GPX6: variants seen among roughly 807,000 people sequenced by gnomAD.
The protein encoded by GPX6 is glutathione peroxidase 6 (olfactory).
In GPX6, 21 loss-of-function variants were observed where a neutral mutation model predicts 20.0. That is an observed-to-expected ratio of 1.05 (90% confidence interval 0.74 to 1.51). GPX6 has a LOEUF of 1.51. Ranked by LOEUF, GPX6 falls within the 40% of genes most tolerant of loss-of-function variation. GPX6 has a pLI of 0.00. For missense variants in GPX6, 233 were observed against 254.7 expected (o/e 0.91, Z 0.58); for synonymous variants, 75 against 98.0 (o/e 0.77, Z 1.38).
Position 28,515,701 on chromosome 6 carries a change from G to A in GPX6, c.43C>T (p.Leu15=), listed in dbSNP as rs559264173. Reference sequence around the variant, plus strand: ...AGGGTCTGCTGAGCAAAGCCAACCAGGAAAAACAGGACAAGACAGGAGGCC... The same window carrying A: ...AGGGTCTGCTGAGCAAAGCCAACCAAGAAAAACAGGACAAGACAGGAGGCC... ...FQASCLVLFF[L]VGFAQQTLKP... The change falls in exon 1 of 5, where the codon CTG becomes TTG. Residue 15 remains leucine (L), a synonymous_variant. Coordinates refer to ENST00000361902, the MANE Select transcript of GPX6 (RefSeq NM_182701.1). The A allele has an allele frequency of 3.7e-6, 6 of 1,614,074 alleles. No individual in the cohort carries two copies. Among genetic ancestry groups the A allele is most frequent in the East Asian group, 4.5e-5 (2 of 44,878 alleles).
chr6:28,509,353 C>G (rs910592034), intron 2 of GPX6, among the ~76,000 whole-genome samples: 2 of 139,892 alleles, frequency 1.4e-5, no homozygotes, highest in African/African-American at 5.6e-5. Flanking sequence ...AACACTGCCT[C>G]TGCTAAAAAT....
intron 1 of GPX6, 131 bp from the exon 2 acceptor site, chr6:28,511,035 C>T: frequency 2.6e-6 from 2 of 778,330 alleles, no homozygotes; most frequent in Non-Finnish European, 1.9e-6. Context: ...GGGATCTTTC[C>T]AAGTAAAATT....
At chr6:28,513,327 C>T (rs6940523) in intron 1 of GPX6, among the ~76,000 whole-genome samples, 298 of 152,328 alleles carry the variant, frequency 2.0e-3, no homozygotes, top group African/African-American at 6.5e-3. Flanking sequence ...CCCTGTAACA[C>T]ACGCCCACTG....
At chr6:28,509,779 C>A (rs1762842539) in intron 2 of GPX6, among the ~76,000 whole-genome samples, 1 of 152,196 alleles carries the variant, frequency 6.6e-6, no homozygotes, top group Non-Finnish European at 1.5e-5. Context: ...ACCTCAGCTA[C>A]CACAGAAGGT....
At position 28,512,637 on chromosome 6, in the gene GPX6, C is replaced by T. The variant is rs550799264; in HGVS notation, c.88-1733G>A. Among the ~76,000 whole-genome samples the T allele has an allele frequency of 2.4e-4, 36 of 152,302 alleles. No individual in the cohort carries two copies. The East Asian group carries it at 6.6e-3, about 28-fold the overall frequency. The stretch of plus-strand genomic sequence containing the variant: ...TGCCGGAGCCAGCAGTGGCAGCCCC[C>T]GTGGGTCCCCTTCCACACTGTGGGA... On this transcript the variant is annotated intron_variant, in intron 1 of 4. Coordinates refer to ENST00000361902, the MANE Select transcript of GPX6 (RefSeq NM_182701.1).
chr6:28,515,581 G>A lies in GPX6; in HGVS notation c.87+76C>T. ...TTGTCCTTCGAAAGGGGAGAGTAGA[G>A]AACTCCTTGCAACTCTGGCAGCCAG... On this transcript the variant is annotated intron_variant, in intron 1 of 4. Transcript: ENST00000361902. The A allele has an allele frequency of 4.7e-6, 5 of 1,059,576 alleles. No homozygotes were observed. The South Asian group carries it at 5.1e-5, about 11-fold the overall frequency. The allele number at this position is 1,059,576 out of a possible 1,614,324, so 65.6% of individuals were successfully genotyped here.
chr6:28,505,578 C>A, intron 4 of GPX6, 125 bp downstream of exon 4: 1 of 696,456 alleles, frequency 1.4e-6, no homozygotes, highest in East Asian at 2.6e-5. Context: ...CAGATATTGC[C>A]ATGAGCCTTG....
chr6:28,506,192 A>G (rs570703426), intron 3 of GPX6, 120 bp downstream of exon 3: 10 of 709,876 alleles, frequency 1.4e-5, no homozygotes, highest in Non-Finnish European at 2.6e-5. Flanking sequence ...TCATAAGGAT[A>G]TGCTTCAACC....
intron 3 of GPX6, 100 bp downstream of exon 3, chr6:28,506,212 A>G (rs1188326957): frequency 2.6e-6 from 2 of 766,428 alleles, no homozygotes; most frequent in African/African-American, 1.7e-5. Context: ...CCATGTATCT[A>G]TGGCCTATCC....
intron 1 of GPX6, among the ~76,000 whole-genome samples, chr6:28,513,372 G>A (rs1326274736): frequency 1.3e-5 from 2 of 152,128 alleles, no homozygotes; most frequent in Non-Finnish European, 2.9e-5. Context: ...CCTAGACACT[G>A]CCTTAAGGTT....
chr6:28,505,864 G>T, intron 3 of GPX6, 62 bp from the exon 4 acceptor site: 1 of 1,189,928 alleles, frequency 8.4e-7, no homozygotes. Flanking sequence ...GAAAATAATG[G>T]CCACCACCAA....
At chr6:28,512,982 T>C (rs1181601656) in intron 1 of GPX6, among the ~76,000 whole-genome samples, 6 of 152,138 alleles carry the variant, frequency 3.9e-5, no homozygotes, top group Non-Finnish European at 8.8e-5. Context: ...ACACGCTGCC[T>C]TAAAGAACTG....
intron 4 of GPX6, 123 bp downstream of exon 4, chr6:28,505,580 T>A (rs563611210): frequency 3.3e-4 from 234 of 704,976 alleles, no homozygotes; most frequent in South Asian, 5.5e-4. Context: ...GATATTGCCA[T>A]GAGCCTTGAA....
chr6:28,509,570 A>G (rs1049800453), intron 2 of GPX6, among the ~76,000 whole-genome samples: 2 of 152,056 alleles, frequency 1.3e-5, no homozygotes, highest in Non-Finnish European at 2.9e-5. Flanking sequence ...ATTTTGATCC[A>G]CTTCTCTGTG....
chr6:28,515,771 TC>T lies in GPX6; in HGVS notation c.-29del. 5 of 1,585,808 alleles carry T rather than the reference TC, an allele frequency of 3.2e-6. No homozygotes were observed. The highest frequency in any genetic ancestry group is 4.3e-6 in the Non-Finnish European group (5 of 1,155,034). On this transcript the variant is annotated 5_prime_UTR_variant, in exon 1 of 5. Coordinates refer to ENST00000361902, the MANE Select transcript of GPX6 (RefSeq NM_182701.1). ...CTAGGAGTTTTAGACGACTCTGAGG[TC>T]CCCAGGATTTCAGCCCCTTTTGAGC...
intron 1 of GPX6, 21 bp from the exon 2 acceptor site, chr6:28,510,925 C>A (rs1216823300): frequency 1.3e-6 from 2 of 1,571,656 alleles, no homozygotes; most frequent in Middle Eastern, 1.7e-4. Flanking sequence ...ACAAAAATAA[C>A]CATAACGATA....
In GPX6 at chr6:28,506,299, T is replaced by C; in HGVS notation, c.359+13A>G. 1.3e-6 allele frequency: 2 copies of C among 1,492,206 alleles called. No individual in the cohort carries two copies. Among genetic ancestry groups the C allele is most frequent in the Non-Finnish European group, 9.4e-7 (1 of 1,068,650 alleles). The allele number at this position is 1,492,206 out of a possible 1,614,324, so 92.4% of individuals were successfully genotyped here. On this transcript the variant is annotated intron_variant, in intron 3 of 4. Coordinates refer to ENST00000361902, the MANE Select transcript of GPX6 (RefSeq NM_182701.1). ...CCGACAGGGCATCTGCAGGGTCCCATGCAAGCACTCACTTGAGACCAAGAA... is the reference window on the plus strand; with the variant it reads ...CCGACAGGGCATCTGCAGGGTCCCACGCAAGCACTCACTTGAGACCAAGAA...
intron 4 of GPX6, among the ~76,000 whole-genome samples, chr6:28,505,293 C>G (rs1762797204): frequency 6.6e-6 from 1 of 152,194 alleles, no homozygotes; most frequent in South Asian, 2.1e-4. Flanking sequence ...GGGGGTCCTT[C>G]TATCCTGGTA....
chr6:28,504,008 T>C lies in GPX6; in HGVS notation c.*284A>G. ...GAGAGTTGGAGAGATAGGTGTTCTT[T>C]TCCTTAATCTTCAAACACACACACA... is the stretch of plus-strand genomic sequence containing the variant. On this transcript the variant is annotated 3_prime_UTR_variant, in exon 5 of 5. Coordinates refer to ENST00000361902, the MANE Select transcript of GPX6 (RefSeq NM_182701.1). The C allele has an allele frequency of 2.7e-6, 1 of 376,506 alleles. No individual in the cohort carries two copies. Among genetic ancestry groups the C allele is most frequent in the Non-Finnish European group, 4.7e-6 (1 of 212,398 alleles). The allele number at this position is 376,506 out of a possible 1,614,324, so 23.3% of individuals were successfully genotyped here.
Sources: allele counts gnomAD v4.1 joint callset (sites outside exome capture counted in the v4.1 genomes callset), GRCh38; gene constraint gnomAD v4.1.1; transcripts MANE v1.5; gene names NCBI Gene and HGNC (gene_info 2026-07-23, HGNC 2026-07-21).